Variants in KDM2B observed in about 807,000 individuals in gnomAD.
KDM2B encodes the protein lysine-specific demethylase 2B.
A neutral mutation model predicts 150.0 loss-of-function variants in KDM2B; 26 were observed. The ratio of observed to expected loss-of-function variants is 0.17; its 90% CI spans 0.13 to 0.24. The LOEUF (loss-of-function observed/expected upper bound fraction) is 0.24. Ranked by LOEUF, KDM2B falls within the 10% of genes least tolerant of loss-of-function variation. The pLI, the probability that KDM2B is intolerant of heterozygous loss-of-function variation, is 1.00. For synonymous variants in KDM2B, 734 were observed against 729.5 expected, an observed-to-expected ratio of 1.01 and a Z score of -0.10; for missense variants, 1,265 against 1,816.9, an observed-to-expected ratio of 0.70 and a Z score of 5.52.
chr12:121,478,367 T>TC (rs1451951820), intron 12 of KDM2B, among the ~76,000 whole-genome samples: 4 of 151,110 alleles, frequency 2.6e-5, no homozygotes, highest in African/African-American at 9.7e-5. Flanking sequence ...GATCCTTTTT[T>TC]TTTTTTTTTT....
chr12:121,420,631 C>T, the KDM2B span: 1 of 1,614,128 alleles, frequency 6.2e-7, no homozygotes, highest in South Asian at 1.1e-5. Context: ...CTTGTCAAGC[C>T]TTGATGATGT....
chr12:121,437,017 C>T (rs1317287009), intron 22 of KDM2B, among the ~76,000 whole-genome samples: 1 of 152,148 alleles, frequency 6.6e-6, no homozygotes, highest in Non-Finnish European at 1.5e-5. Context: ...TAGAAAATGT[C>T]TCTCACCAAA....
intron 6 of KDM2B, among the ~76,000 whole-genome samples, chr12:121,541,557 C>A (rs1888619216): frequency 6.6e-6 from 1 of 151,790 alleles, no homozygotes; most frequent in Non-Finnish European, 1.5e-5. Context: ...CCAAAATGTA[C>A]ACAAAATGTG....
At chr12:121,472,574 T>C (rs1205275397) in intron 12 of KDM2B, among the ~76,000 whole-genome samples, 4 of 152,234 alleles carry the variant, frequency 2.6e-5, no homozygotes, top group Admixed American at 2.6e-4. Flanking sequence ...TTCTCCTAAT[T>C]ATGTCTCCTT....
chr12:121,465,863 G>C (rs1555294642), intron 12 of KDM2B, among the ~76,000 whole-genome samples: 1 of 152,176 alleles, frequency 6.6e-6, no homozygotes, highest in African/African-American at 2.4e-5. Flanking sequence ...ATTGAAGTGT[G>C]ATCTATGGAA....
At chr12:121,505,655 G>A (rs1241050775) in intron 11 of KDM2B, among the ~76,000 whole-genome samples, 1 of 152,080 alleles carries the variant, frequency 6.6e-6, no homozygotes, top group Non-Finnish European at 1.5e-5. Flanking sequence ...AATCACCAGG[G>A]CACTAGTTAC....
chr12:121,503,921 G>A (rs1020046516), intron 11 of KDM2B, among the ~76,000 whole-genome samples: 4 of 152,224 alleles, frequency 2.6e-5, no homozygotes, highest in East Asian at 1.9e-4. Context: ...TTCCATACAG[G>A]TGAACAGAAA....
At chr12:121,547,887 C>G (rs1336944077) in intron 6 of KDM2B, among the ~76,000 whole-genome samples, 1 of 151,908 alleles carries the variant, frequency 6.6e-6, no homozygotes, top group Non-Finnish European at 1.5e-5. Context: ...GTGATCTGCC[C>G]GCCTCAGCCT....
At chr12:121,428,624 T>A (rs1872633467), downstream of KDM2B, among the ~76,000 whole-genome samples, 1 of 152,208 alleles carries the variant, frequency 6.6e-6, no homozygotes. Flanking sequence ...ACTTTCTCCA[T>A]CTTCAGATTC....
chr12:121,510,911 G>A (rs1555303875), intron 10 of KDM2B, among the ~76,000 whole-genome samples: 1 of 151,986 alleles, frequency 6.6e-6, no homozygotes, highest in Admixed American at 6.6e-5. Flanking sequence ...CATCTATAGG[G>A]ACAGAAAGTA....
intron 4 of KDM2B, among the ~76,000 whole-genome samples, chr12:121,570,292 T>A (rs1891001216): frequency 6.6e-6 from 1 of 152,066 alleles, no homozygotes; most frequent in Non-Finnish European, 1.5e-5. Context: ...CCTCAGGTGA[T>A]CCACCTGCCT....
chr12:121,444,912 G>A, intron 14 of KDM2B: 1 of 420,772 alleles, frequency 2.4e-6, no homozygotes, highest in East Asian at 4.7e-5. Context: ...ACTGGGTGCT[G>A]GGGGAAGGAG....
chr12:121,510,542 C>T (rs1555303816), intron 10 of KDM2B, among the ~76,000 whole-genome samples: 1 of 152,128 alleles, frequency 6.6e-6, no homozygotes, highest in African/African-American at 2.4e-5. Flanking sequence ...CCTATAATCC[C>T]TACACTTTGA....
At chr12:121,540,320 G>C (rs781949428) in intron 6 of KDM2B, among the ~76,000 whole-genome samples, 27 of 152,092 alleles carry the variant, frequency 1.8e-4, no homozygotes, top group Admixed American at 7.2e-4. Flanking sequence ...TTCCCTATCT[G>C]ACATATTACA....
intron 11 of KDM2B, among the ~76,000 whole-genome samples, chr12:121,495,574 ACAGGGGTAAGC>A: frequency 6.6e-6 from 1 of 152,308 alleles, no homozygotes; most frequent in South Asian, 2.1e-4. Flanking sequence ...TGCTGGGATT[ACAGGGGTAAGC>A]CACTGTGCCT....
Position 121,442,177 on chromosome 12 carries a change from G to C in KDM2B, c.3264C>G (p.Val1088=). Residue 1088 remains valine (V), a synonymous_variant, in exon 19 of 23, where the codon GTC becomes GTG. Coordinates refer to ENST00000377071, the MANE Select transcript of KDM2B (RefSeq NM_032590.5). This position sits in a 1 kb window ranked among gnomAD's most constrained non-coding sequence, Gnocchi z 7.7. The part of the protein sequence containing the change: ...SHQDLCVCMR[V]CRTWNRWCCD... Reference sequence around the variant, plus strand: ...CTCACCAGCGGTTCCAGGTCCTGCAGACCCGCATGCACACACACAGGTCTT... The same window carrying C: ...CTCACCAGCGGTTCCAGGTCCTGCACACCCGCATGCACACACACAGGTCTT... 1.2e-6 allele frequency: 2 copies of C among 1,613,642 alleles called. No homozygotes were observed. Among genetic ancestry groups the C allele is most frequent in the Non-Finnish European group, 1.7e-6 (2 of 1,180,002 alleles).
chr12:121,417,172 A>T, the KDM2B span, among the ~76,000 whole-genome samples: 1 of 152,212 alleles, frequency 6.6e-6, no homozygotes, highest in South Asian at 2.1e-4. The surrounding 1 kb of genome is among the most constrained non-coding windows in gnomAD (Gnocchi z 5.0). Flanking sequence ...AAAGACCAGG[A>T]AGTGTGATTC....
chr12:121,554,167 G>C (rs1323911354), intron 4 of KDM2B, among the ~76,000 whole-genome samples: 1 of 151,914 alleles, frequency 6.6e-6, no homozygotes, highest in Non-Finnish European at 1.5e-5. Flanking sequence ...AGCGTCAGGA[G>C]GTTGAGGCTC....
Position 121,441,227 on chromosome 12 carries a change from G to A in KDM2B, c.3291C>T (p.Cys1097=), listed in dbSNP as rs782365428. 10 of 1,613,618 alleles carry A rather than the reference G, an allele frequency of 6.2e-6. No homozygotes were observed. Among genetic ancestry groups the A allele is most frequent in the African/African-American group, 1.3e-5 (1 of 74,910 alleles). The change falls in exon 20 of 23, where the codon TGC becomes TGT. Residue 1097 remains cysteine, a synonymous_variant. Transcript: ENST00000377071. ...CAATGCGGGTCCACAACCGCTTATC[G>A]CAGCACCTGGGGACCGGCCCCGTGG... ...RVCRTWNRWC[C]DKRLWTRIDL...
Sources: gnomAD v4.1 joint callset for allele counts (sites outside exome capture counted in the v4.1 genomes callset) on GRCh38, gnomAD v4.1.1 for gene constraint, Gnocchi (gnomAD v3.1) non-coding constraint, MANE v1.5 for transcripts, NCBI Gene and HGNC (gene_info 2026-07-23, HGNC 2026-07-21) for gene names.